The following CNST variants were observed in gnomAD, a reference collection of about 807,000 sequenced individuals.
CNST encodes the protein consortin, connexin sorting protein, also known as consortin.
In CNST, 39 loss-of-function variants were observed where a neutral mutation model predicts 72.4. That is an observed-to-expected ratio of 0.54 (90% confidence interval 0.42 to 0.70). The LOEUF (loss-of-function observed/expected upper bound fraction) is 0.70, where lower values mean the gene tolerates loss of function less well. Among genes scored for constraint, CNST ranks in the 30% least tolerant of loss-of-function variants. CNST has a pLI of 0.00. For missense variants in CNST, 871 were observed against 868.5 expected (o/e 1.00, Z -0.04); for synonymous variants, 332 against 320.1 (o/e 1.04, Z -0.40).
intron 9 of CNST, among the ~76,000 whole-genome samples, chr1:246,649,708 T>C (rs1666343707): frequency 6.6e-6 from 1 of 152,054 alleles, no homozygotes; most frequent in Admixed American, 6.6e-5. Flanking sequence ...GATAATCATA[T>C]GGTGTGCCTT....
At position 246,646,279 on chromosome 1, in the gene CNST, C is replaced by CAAAAAAAAAAAAAAA. The variant is rs550697329; in HGVS notation, c.938-859_938-845dup. Reference sequence around the variant, plus strand: ...TGGGTGACAGAGCGAAACTCCGTCTCAAAAAAAAAAAAAAAGTTGCAAGTA... The same window carrying CAAAAAAAAAAAAAAA: ...TGGGTGACAGAGCGAAACTCCGTCTCAAAAAAAAAAAAAAAAAAAAAAAAAAAAAAGTTGCAAGTA... On this transcript the variant is annotated intron_variant, in intron 8 of 10. Coordinates refer to ENST00000366513, the MANE Select transcript of CNST (RefSeq NM_152609.3). 4.4e-4 allele frequency among the ~76,000 whole-genome samples: 44 copies of CAAAAAAAAAAAAAAA among 99,338 alleles called. 1 individual carries two copies. The highest frequency in any genetic ancestry group is 1.8e-3 in the African/African-American group (40 of 22,206). The allele number at this position is 99,338 out of a possible 152,430, so 65.2% of individuals were successfully genotyped here.
chr1:246,634,650 T>C (rs897319446), intron 6 of CNST, 63 bp downstream of exon 6: 11 of 822,622 alleles, frequency 1.3e-5, no homozygotes, highest in Admixed American at 2.4e-5. Context: ...CATTATAGCA[T>C]TGAGTATCCA....
intron 2 of CNST, among the ~76,000 whole-genome samples, chr1:246,605,627 T>G (rs1412264540): frequency 6.7e-6 from 1 of 148,866 alleles, no homozygotes; most frequent in Admixed American, 6.6e-5. Flanking sequence ...CTGGATGGCC[T>G]CTCTGTCTAT....
intron 3 of CNST, among the ~76,000 whole-genome samples, chr1:246,630,369 A>G (rs1456803856): frequency 2.0e-5 from 3 of 152,266 alleles, no homozygotes; most frequent in Non-Finnish European, 4.4e-5. Context: ...ATAAGCTGGT[A>G]AAAGATAACC....
intron 1 of CNST, among the ~76,000 whole-genome samples, chr1:246,586,496 TAATATATA>T (rs1458220138): frequency 1.3e-4 from 19 of 148,976 alleles, no homozygotes; most frequent in Admixed American, 7.4e-4. Flanking sequence ...GATATATAAA[TAATATATA>T]AATATATAAA....
chr1:246,640,748 T>C (rs1665631134), intron 6 of CNST, among the ~76,000 whole-genome samples: 1 of 152,226 alleles, frequency 6.6e-6, no homozygotes, highest in South Asian at 2.1e-4. Flanking sequence ...CTAACAAATA[T>C]TTATTGAACA....
intron 2 of CNST, among the ~76,000 whole-genome samples, chr1:246,592,893 G>C (rs1413273087): frequency 6.6e-6 from 1 of 152,164 alleles, no homozygotes; most frequent in Non-Finnish European, 1.5e-5. Flanking sequence ...GAATCACAGG[G>C]CCCCCTTGGG....
intron 1 of CNST, among the ~76,000 whole-genome samples, chr1:246,580,318 G>C (rs1403095814): frequency 6.6e-6 from 1 of 152,110 alleles, no homozygotes; most frequent in African/African-American, 2.4e-5. Flanking sequence ...TTTGTGGTCA[G>C]AAATTAAATG....
intron 1 of CNST, among the ~76,000 whole-genome samples, chr1:246,586,145 A>AT (rs1661181949): frequency 8.6e-6 from 1 of 116,718 alleles, no homozygotes; most frequent in Non-Finnish European, 1.8e-5. Context: ...GTGTGTGTAT[A>AT]TATTACTGAT....
intron 3 of CNST, among the ~76,000 whole-genome samples, chr1:246,626,550 C>T (rs558389372): frequency 2.0e-5 from 3 of 150,270 alleles, no homozygotes; most frequent in Admixed American, 1.3e-4. Flanking sequence ...CTCCGCTTCC[C>T]GAGTTCAGGT....
intron 5 of CNST, 197 bp from the exon 6 acceptor site, chr1:246,634,276 C>T: frequency 3.6e-6 from 2 of 561,736 alleles, no homozygotes; most frequent in Non-Finnish European, 6.2e-6. Flanking sequence ...TCATGCCCTA[C>T]TGGCTAATTT....
chr1:246,597,574 A>G (rs1272407127), intron 2 of CNST, among the ~76,000 whole-genome samples: 2 of 152,234 alleles, frequency 1.3e-5, no homozygotes, highest in East Asian at 1.9e-4. Flanking sequence ...TAGGCAGCAC[A>G]TGGAAACTGG....
chr1:246,577,701 A>G lies in CNST; in HGVS notation c.-52+11038A>G, dbSNP rs143200972. On this transcript the variant is annotated intron_variant, in intron 1 of 10. Coordinates refer to ENST00000366513, the MANE Select transcript of CNST (RefSeq NM_152609.3). Reference sequence around the variant, plus strand: ...TCAAGAATGTGAGGTGAACCTTTCAAGTAAAATTGTAGTTGAAGAAACAAA... The same window carrying G: ...TCAAGAATGTGAGGTGAACCTTTCAGGTAAAATTGTAGTTGAAGAAACAAA... Among the ~76,000 whole-genome samples the G allele has an allele frequency of 4.7e-4, 72 of 152,248 alleles. 1 individual carries two copies. Among genetic ancestry groups the G allele is most frequent in the African/African-American group, 1.7e-3 (70 of 41,472 alleles).
chr1:246,583,554 T>C (rs2103014781), intron 1 of CNST, among the ~76,000 whole-genome samples: 1 of 152,382 alleles, frequency 6.6e-6, no homozygotes, highest in Middle Eastern at 3.4e-3. Context: ...GTGTCTCATC[T>C]GTCTCTCTCT....
chr1:246,616,674 C>A (rs1313389590), intron 2 of CNST, among the ~76,000 whole-genome samples: 2 of 152,164 alleles, frequency 1.3e-5, no homozygotes, highest in Non-Finnish European at 2.9e-5. Context: ...CCTGCCTCAG[C>A]CTCCCGAGTA....
intron 2 of CNST, among the ~76,000 whole-genome samples, chr1:246,595,279 A>G (rs1661804909): frequency 6.6e-6 from 1 of 152,192 alleles, no homozygotes; most frequent in South Asian, 2.1e-4. Context: ...AGCTTCCCTC[A>G]GAGTTTAGTT....
intron 1 of CNST, among the ~76,000 whole-genome samples, chr1:246,570,334 A>G (rs2102997866): frequency 6.6e-6 from 1 of 152,362 alleles, no homozygotes; most frequent in Non-Finnish European, 1.5e-5. Flanking sequence ...GGGATCAGTC[A>G]GACCCATCAT....
chr1:246,633,990 C>G lies in CNST; in HGVS notation c.683C>G (p.Ser228Cys), dbSNP rs1350300461. 3.1e-6 allele frequency: 5 copies of G among 1,612,192 alleles called. No homozygotes were observed. The highest frequency in any genetic ancestry group is 4.2e-6 in the Non-Finnish European group (5 of 1,178,364). ...CATGAGCAATTGCTCGCAAATCTTT[C>G]TGCCATTCAAGAACAGTGGGGTAAG... Reference protein sequence around the residue: ...LYHEQLLANLSAIQEQWETKW... With the variant: ...LYHEQLLANLCAIQEQWETKW... Residue 228 changes from serine (S) to cysteine (C), a missense_variant, in exon 5 of 11, where the codon TCT becomes TGT. Transcript: ENST00000366513.
chr1:246,623,459 A>G (rs779767667), intron 3 of CNST, among the ~76,000 whole-genome samples: 1 of 152,156 alleles, frequency 6.6e-6, no homozygotes, highest in Admixed American at 6.5e-5. Context: ...AATGGGATAA[A>G]AAGTAAAGTA....
Sources: gnomAD v4.1 joint callset for allele counts (sites outside exome capture counted in the v4.1 genomes callset) on GRCh38, gnomAD v4.1.1 for gene constraint, MANE v1.5 for transcripts, NCBI Gene and HGNC (gene_info 2026-07-23, HGNC 2026-07-21) for gene names.